The following CNTNAP2 variants were observed in gnomAD, a reference collection of about 807,000 sequenced individuals.
CNTNAP2 encodes the protein contactin associated protein 2.
Under a neutral mutation model 155.2 loss-of-function variants are expected in CNTNAP2, and 98 were observed. That is an observed-to-expected ratio of 0.63 (90% CI 0.54 to 0.75). CNTNAP2 has a LOEUF of 0.75. CNTNAP2 is among the 30% of genes least tolerant of loss of function. The probability of loss-of-function intolerance (pLI) is 0.00; values close to 1 mark genes in which losing one functional copy is unlikely to be tolerated. For missense variants in CNTNAP2, 1,727 were observed against 1,688.1 expected, an observed-to-expected ratio of 1.02 and a Z score of -0.40; for synonymous variants, 651 against 631.2, an observed-to-expected ratio of 1.03 and a Z score of -0.47.
intron 3 of CNTNAP2, among the ~76,000 whole-genome samples, chr7:146,911,968 T>G (rs1471254874): frequency 6.6e-6 from 1 of 152,136 alleles, no homozygotes; most frequent in Non-Finnish European, 1.5e-5. Context: ...ATTTCTTTCC[T>G]TTGATTAAGA....
At chr7:147,934,882 G>T (rs1800576361) in intron 14 of CNTNAP2, among the ~76,000 whole-genome samples, 1 of 152,154 alleles carries the variant, frequency 6.6e-6, no homozygotes, top group Non-Finnish European at 1.5e-5. Flanking sequence ...AATACATACA[G>T]ATTTTTAACT....
intron 21 of CNTNAP2, among the ~76,000 whole-genome samples, chr7:148,356,225 T>TAAA (rs141371066): frequency 1.2e-4 from 19 of 152,142 alleles, no homozygotes; most frequent in Admixed American, 7.9e-4. Flanking sequence ...TTTTAAAATA[T>TAAA]AAAAAAAAGA....
At chr7:146,534,311 A>T (rs1034331830) in intron 1 of CNTNAP2, among the ~76,000 whole-genome samples, 1 of 152,128 alleles carries the variant, frequency 6.6e-6, no homozygotes. Flanking sequence ...TAAAATATGC[A>T]GAGTGCCAAA....
At chr7:148,372,880 C>T (rs776100144) in intron 21 of CNTNAP2, among the ~76,000 whole-genome samples, 4 of 152,050 alleles carry the variant, frequency 2.6e-5, no homozygotes, top group Admixed American at 6.6e-5. Context: ...TTTTTATATG[C>T]GTATTCTATA....
At chr7:146,552,363 G>A (rs1459476533) in intron 1 of CNTNAP2, among the ~76,000 whole-genome samples, 1 of 151,978 alleles carries the variant, frequency 6.6e-6, no homozygotes, top group African/African-American at 2.4e-5. Flanking sequence ...AAAAATCTTG[G>A]TGCTATCATT....
intron 13 of CNTNAP2, among the ~76,000 whole-genome samples, chr7:147,842,254 G>C (rs1292789178): frequency 6.6e-6 from 1 of 152,204 alleles, no homozygotes; most frequent in South Asian, 2.1e-4. Context: ...TCAGAGGAGA[G>C]CATTATCTCC....
chr7:147,290,612 G>T (rs189793254), intron 8 of CNTNAP2, among the ~76,000 whole-genome samples: 2 of 150,884 alleles, frequency 1.3e-5, no homozygotes, highest in Admixed American at 1.3e-4. Context: ...GAACCCGGGA[G>T]GTGGAGGTTG....
At chr7:146,916,972 C>T (rs185395058) in intron 3 of CNTNAP2, among the ~76,000 whole-genome samples, 55 of 152,284 alleles carry the variant, frequency 3.6e-4, no homozygotes, top group Non-Finnish European at 7.2e-4. Flanking sequence ...GAATTTCCCT[C>T]TTGTCACTGC....
intron 1 of CNTNAP2, among the ~76,000 whole-genome samples, chr7:146,761,818 G>A (rs1802106485): frequency 7.4e-6 from 1 of 134,488 alleles, no homozygotes; most frequent in African/African-American, 3.3e-5. Flanking sequence ...TCTAGAAGGG[G>A]ATACAACTTC....
At chr7:147,358,637 T>A (rs1796099916) in intron 9 of CNTNAP2, among the ~76,000 whole-genome samples, 1 of 152,034 alleles carries the variant, frequency 6.6e-6, no homozygotes. Flanking sequence ...GACTTCAACC[T>A]TAATACACAT....
At chr7:147,507,929 C>A (rs929090145) in intron 11 of CNTNAP2, among the ~76,000 whole-genome samples, 2 of 152,092 alleles carry the variant, frequency 1.3e-5, no homozygotes, top group Non-Finnish European at 2.9e-5. Context: ...GTAGTTCAAG[C>A]CTCTGCTTCT....
At chr7:148,213,200 A>AT (rs1795578531) in intron 18 of CNTNAP2, among the ~76,000 whole-genome samples, 1 of 152,136 alleles carries the variant, frequency 6.6e-6, no homozygotes, top group Non-Finnish European at 1.5e-5. Context: ...CCTGCGAAAA[A>AT]TGCTGCTTCT....
rs576311411 is a variant in CNTNAP2 at position 146,547,885 on chromosome 7, C to A, written c.98-226386C>A. Among the ~76,000 whole-genome samples, 323 of 151,282 alleles carry A rather than the reference C, an allele frequency of 2.1e-3. 1 individual carries two copies. The highest frequency in any genetic ancestry group is 0.01 in the Middle Eastern group (3 of 294). ...AGGAACCTTAATACGGTTTCCGTAG[C>A]AGCTGCACCATTTTGCATTCCTACC... is the stretch of plus-strand genomic sequence containing the variant. On this transcript the variant is annotated intron_variant, in intron 1 of 23. Transcript: ENST00000361727.
chr7:146,749,331 G>A (rs757279350), intron 1 of CNTNAP2, among the ~76,000 whole-genome samples: 14 of 152,154 alleles, frequency 9.2e-5, no homozygotes, highest in African/African-American at 3.1e-4. Context: ...GCTAGTGAAC[G>A]TAAAGAAAGT....
chr7:147,113,242 T>C (rs1800919333), intron 5 of CNTNAP2, among the ~76,000 whole-genome samples: 2 of 152,054 alleles, frequency 1.3e-5, no homozygotes, highest in South Asian at 2.1e-4. Flanking sequence ...TACAAACATA[T>C]TTCTATAGGG....
chr7:146,810,677 A>T (rs1169653703), intron 2 of CNTNAP2, among the ~76,000 whole-genome samples: 1 of 151,944 alleles, frequency 6.6e-6, no homozygotes, highest in East Asian at 1.9e-4. Flanking sequence ...ACTAGGTTGA[A>T]TAGAAGTGAC....
intron 1 of CNTNAP2, among the ~76,000 whole-genome samples, chr7:146,456,346 T>C (rs1796555018): frequency 1.3e-5 from 2 of 152,232 alleles, no homozygotes; most frequent in Admixed American, 6.5e-5. Context: ...GTCAGTCTGC[T>C]GGTCAAATGA....
At chr7:146,971,363 C>A (rs1797794065) in intron 3 of CNTNAP2, among the ~76,000 whole-genome samples, 1 of 152,068 alleles carries the variant, frequency 6.6e-6, no homozygotes, top group Non-Finnish European at 1.5e-5. Flanking sequence ...GAAAGGCTTT[C>A]TTTTGAGGAA....
chr7:147,607,933 C>T (rs1330393382), intron 12 of CNTNAP2, among the ~76,000 whole-genome samples: 2 of 152,040 alleles, frequency 1.3e-5, no homozygotes, highest in Non-Finnish European at 2.9e-5. Context: ...TTATATGCTG[C>T]CTCTCATTAT....
Sources: gnomAD v4.1 joint callset for allele counts (sites outside exome capture counted in the v4.1 genomes callset) on GRCh38, gnomAD v4.1.1 for gene constraint, MANE v1.5 for transcripts, NCBI Gene and HGNC (gene_info 2026-07-23, HGNC 2026-07-21) for gene names.